HECW2: variants seen among roughly 807,000 people sequenced by gnomAD.
HECW2 encodes E3 ubiquitin-protein ligase HECW2.
In HECW2, 61 loss-of-function variants were observed where a neutral mutation model predicts 175.2. That is an observed-to-expected ratio of 0.35 (90% confidence interval 0.28 to 0.43). The LOEUF (loss-of-function observed/expected upper bound fraction) is 0.43, where lower values mean the gene tolerates loss of function less well. Among genes scored for constraint, HECW2 ranks in the 20% least tolerant of loss-of-function variants. The pLI, the probability that HECW2 is intolerant of heterozygous loss-of-function variation, is 1.00. For missense variants in HECW2, 1,524 were observed against 2,000.5 expected (o/e 0.76, Z 4.54); for synonymous variants, 671 against 731.0 (o/e 0.92, Z 1.32).
intron 2 of HECW2, among the ~76,000 whole-genome samples, chr2:196,347,244 T>C (rs1164600253): frequency 6.6e-6 from 1 of 151,700 alleles, no homozygotes; most frequent in African/African-American, 2.4e-5. Context: ...ATATTTTCAG[T>C]AGAGACGGGG....
At chr2:196,318,226 G>C (rs776903840) in intron 9 of HECW2, among the ~76,000 whole-genome samples, 5 of 152,148 alleles carry the variant, frequency 3.3e-5, no homozygotes, top group Non-Finnish European at 7.3e-5. Context: ...TTTTAAAAGA[G>C]CACTGAATTT....
At chr2:196,540,040 T>C (rs543903296) in intron 1 of HECW2, among the ~76,000 whole-genome samples, 1 of 152,328 alleles carries the variant, frequency 6.6e-6, no homozygotes, top group South Asian at 2.1e-4. Context: ...TGGAGCACTA[T>C]GTATGTACTG....
At chr2:196,549,383 A>G (rs1689534295) in intron 1 of HECW2, among the ~76,000 whole-genome samples, 1 of 152,178 alleles carries the variant, frequency 6.6e-6, no homozygotes. Context: ...CCACTTTTAA[A>G]TGTATCCCAA....
intron 23 of HECW2, 115 bp downstream of exon 23, chr2:196,225,657 A>G (rs1559447588): frequency 1.5e-6 from 1 of 653,192 alleles, no homozygotes; most frequent in Non-Finnish European, 2.7e-6. Context: ...AGGTTTAATA[A>G]CAACAAATTT....
intron 2 of HECW2, among the ~76,000 whole-genome samples, chr2:196,377,583 T>C (rs1694087573): frequency 6.6e-6 from 1 of 152,170 alleles, no homozygotes; most frequent in Non-Finnish European, 1.5e-5. Context: ...AAGACCCACC[T>C]CCACGATTCA....
chr2:196,427,989 G>T (rs781422654), intron 2 of HECW2, among the ~76,000 whole-genome samples: 7 of 152,164 alleles, frequency 4.6e-5, no homozygotes, highest in Non-Finnish European at 8.8e-5. Context: ...TTTCCCTCCA[G>T]ATTAGAAGTG....
At chr2:196,212,422 C>A (rs988917502) in intron 28 of HECW2, among the ~76,000 whole-genome samples, 1 of 152,148 alleles carries the variant, frequency 6.6e-6, no homozygotes, top group East Asian at 1.9e-4. Flanking sequence ...CATCATTTAG[C>A]TCCCGCTTGT....
chr2:196,553,475 A>T (rs927710149), intron 1 of HECW2, among the ~76,000 whole-genome samples: 1 of 152,216 alleles, frequency 6.6e-6, no homozygotes, highest in African/African-American at 2.4e-5. Flanking sequence ...CTGCTTAGAG[A>T]CTACTGAGGA....
intron 1 of HECW2, among the ~76,000 whole-genome samples, chr2:196,507,911 T>C (rs1429448906): frequency 6.6e-6 from 1 of 152,228 alleles, no homozygotes; most frequent in African/African-American, 2.4e-5. Flanking sequence ...CCAAAGCATT[T>C]GTGCAGCTAA....
At chr2:196,539,709 G>A (rs1056793722) in intron 1 of HECW2, among the ~76,000 whole-genome samples, 6 of 152,154 alleles carry the variant, frequency 3.9e-5, no homozygotes, top group Non-Finnish European at 8.8e-5. Flanking sequence ...CCCTTTGGAA[G>A]GGCTTGAACT....
At chr2:196,383,852 T>G (rs774687624) in intron 2 of HECW2, among the ~76,000 whole-genome samples, 29 of 152,254 alleles carry the variant, frequency 1.9e-4, no homozygotes, top group Non-Finnish European at 4.0e-4. Flanking sequence ...CATATTCTCA[T>G]TTATTTCACG....
At chr2:196,593,460 A>AGCCGCGGT (rs1267959922) in intron 1 of HECW2, 48 bp downstream of exon 1, 1 of 152,016 alleles carries the variant, frequency 6.6e-6, no homozygotes, top group African/African-American at 2.4e-5. Flanking sequence ...CGTCCGCTCC[A>AGCCGCGGT]GCCGCGGTGC....
intron 1 of HECW2, among the ~76,000 whole-genome samples, chr2:196,504,877 T>C (rs1687701589): frequency 6.6e-6 from 1 of 152,120 alleles, no homozygotes; most frequent in Admixed American, 6.5e-5. Flanking sequence ...ACTGTACACA[T>C]TTTCAGGCTG....
At chr2:196,586,259 T>TAATA (rs1345712136) in intron 1 of HECW2, among the ~76,000 whole-genome samples, 1 of 152,226 alleles carries the variant, frequency 6.6e-6, no homozygotes, top group East Asian at 1.9e-4. Flanking sequence ...TATTTGTTAA[T>TAATA]AATTCTCCCT....
At chr2:196,453,186 T>C (rs1696400075) in intron 1 of HECW2, among the ~76,000 whole-genome samples, 1 of 152,152 alleles carries the variant, frequency 6.6e-6, no homozygotes, top group Admixed American at 6.5e-5. Context: ...AATTTCAAGA[T>C]CTCTAACACC....
chr2:196,371,083 G>A (rs928481682), intron 2 of HECW2, among the ~76,000 whole-genome samples: 1 of 152,110 alleles, frequency 6.6e-6, no homozygotes, highest in Non-Finnish European at 1.5e-5. Context: ...GACAATCAGT[G>A]GAGGCTTCTA....
intron 17 of HECW2, among the ~76,000 whole-genome samples, chr2:196,259,772 G>A (rs1689213455): frequency 6.6e-6 from 1 of 152,138 alleles, no homozygotes; most frequent in Admixed American, 6.5e-5. Flanking sequence ...GATAAGAGAT[G>A]TAAATGTTGG....
At chr2:196,411,420 A>G (rs569959162) in intron 2 of HECW2, among the ~76,000 whole-genome samples, 1 of 152,354 alleles carries the variant, frequency 6.6e-6, no homozygotes, top group Admixed American at 6.5e-5. Flanking sequence ...TTAAACAAAC[A>G]AACAAAAAAC....
At chr2:196,321,911 T>C (rs1302891454) in intron 7 of HECW2, among the ~76,000 whole-genome samples, 1 of 152,202 alleles carries the variant, frequency 6.6e-6, no homozygotes, top group East Asian at 1.9e-4. Context: ...ACTTACTACT[T>C]TACTCACAAC....
Sources: allele counts gnomAD v4.1 joint callset (sites outside exome capture counted in the v4.1 genomes callset), GRCh38; gene constraint gnomAD v4.1.1; transcripts MANE v1.5; gene names NCBI Gene and HGNC (gene_info 2026-07-23, HGNC 2026-07-21).